Variants in PLXNA4 observed in about 807,000 individuals in gnomAD.
The protein encoded by PLXNA4 is plexin-A4.
Under a neutral mutation model 191.8 loss-of-function variants are expected in PLXNA4, and 44 were observed. The observed-to-expected ratio is 0.23, with a 90% CI of 0.18 to 0.29. The LOEUF is 0.29. PLXNA4 is among the 10% of genes least tolerant of loss of function. The pLI is 1.00. For synonymous variants in PLXNA4, 1,082 were observed against 1,009.5 expected, an observed-to-expected ratio of 1.07 and a Z score of -1.36; for missense variants, 1,800 against 2,488.8, an observed-to-expected ratio of 0.72 and a Z score of 5.89.
Position 132,517,351 on chromosome 7 carries a change from G to A in PLXNA4, c.-86-8572C>T, listed in dbSNP as rs151204208. Among the ~76,000 whole-genome samples the A allele has an allele frequency of 5.1e-3, 778 of 152,172 alleles. 3 individuals carry two copies. The highest frequency in any genetic ancestry group is 0.041 in the Middle Eastern group (12 of 294). Reference sequence around the variant, plus strand: ...GAAGAAATAAGTGTGTTTTCTCTACGGTTTCTTTCACCACCCAGCTGGATA... The same window carrying A: ...GAAGAAATAAGTGTGTTTTCTCTACAGTTTCTTTCACCACCCAGCTGGATA... On this transcript the variant is annotated intron_variant, in intron 1 of 31. Transcript: ENST00000321063.
Position 132,198,554 on chromosome 7 carries a change from A to G in PLXNA4, c.2669T>C (p.Ile890Thr), listed in dbSNP as rs752262566. ...GCCAGCAACCTTGACATGGGAGGCGATGTCGCGAAATTCCAGGCCCAGGTT... is the reference window on the plus strand; with the variant it reads ...GCCAGCAACCTTGACATGGGAGGCGGTGTCGCGAAATTCCAGGCCCAGGTT... ...GENLGLEFRD[I>T]ASHVKVAGVE... Residue 890 changes from isoleucine (I) to threonine (T), a missense_variant, in exon 13 of 32, where the codon ATC becomes ACC. By Grantham distance (89) the Ile-to-Thr change is moderately conservative (BLOSUM62 -1). Coordinates refer to ENST00000321063, the MANE Select transcript of PLXNA4 (RefSeq NM_020911.2). The G allele has an allele frequency of 1.9e-6, 3 of 1,614,246 alleles. No individual in the cohort carries two copies. The South Asian group carries it at 3.3e-5, about 18-fold the overall frequency.
chr7:132,548,902 C>T (rs934328260), intron 1 of PLXNA4, among the ~76,000 whole-genome samples: 1 of 152,160 alleles, frequency 6.6e-6, no homozygotes, highest in Non-Finnish European at 1.5e-5. Flanking sequence ...GGGTCGTCCC[C>T]ACTGCTCATT....
intron 2 of PLXNA4, among the ~76,000 whole-genome samples, chr7:132,635,170 T>TTATATATATATATATATA (rs3037811): frequency 8.3e-4 from 109 of 131,764 alleles, no homozygotes; most frequent in South Asian, 1.9e-3. Context: ...AAACTCCCCT[T>TTATATATATATATATATA]TATATATATA....
chr7:132,234,316 G>C (rs1246356691), intron 5 of PLXNA4, among the ~76,000 whole-genome samples: 1 of 152,190 alleles, frequency 6.6e-6, no homozygotes, highest in Non-Finnish European at 1.5e-5. Context: ...AGTCCAGTAG[G>C]CTTGGTGCAG....
At chr7:132,145,826 C>T (rs1795410266) in intron 28 of PLXNA4, among the ~76,000 whole-genome samples, 1 of 149,468 alleles carries the variant, frequency 6.7e-6, no homozygotes, top group Non-Finnish European at 1.5e-5. Flanking sequence ...ATCCCAACTT[C>T]TGGGAGGCTG....
At chr7:132,164,454 C>A (rs1394002183) in intron 23 of PLXNA4, among the ~76,000 whole-genome samples, 166 bp from the exon 24 acceptor site, 2 of 152,184 alleles carry the variant, frequency 1.3e-5, no homozygotes, top group African/African-American at 2.4e-5. Context: ...ATCTCCTCAT[C>A]CTTCAGGCTG....
intron 3 of PLXNA4, among the ~76,000 whole-genome samples, chr7:132,381,179 T>C (rs1804878775): frequency 6.6e-6 from 1 of 152,218 alleles, no homozygotes; most frequent in African/African-American, 2.4e-5. Flanking sequence ...TTGGTTTGGT[T>C]GTATCCTTGT....
chr7:132,527,394 T>C (rs983784133), intron 1 of PLXNA4, among the ~76,000 whole-genome samples: 2 of 151,884 alleles, frequency 1.3e-5, no homozygotes, highest in Admixed American at 1.3e-4. Context: ...TTGTAGGCAT[T>C]TTAGGCAGGA....
intron 2 of PLXNA4, among the ~76,000 whole-genome samples, chr7:132,606,794 G>C (rs1255939868): frequency 1.3e-5 from 2 of 152,144 alleles, no homozygotes. Flanking sequence ...CCTGATATAT[G>C]GCAAAAAATT....
chr7:132,280,853 TCTAA>T (rs1363369288), intron 4 of PLXNA4, among the ~76,000 whole-genome samples: 3 of 152,330 alleles, frequency 2.0e-5, no homozygotes, highest in East Asian at 1.9e-4. Context: ...GCCAGAGGTC[TCTAA>T]CTGATTTTGA....
chr7:132,145,063 T>C (rs1795378788), intron 29 of PLXNA4, 56 bp downstream of exon 29: 3 of 1,611,868 alleles, frequency 1.9e-6, no homozygotes, highest in Non-Finnish European at 2.5e-6. Context: ...CACCATTAAC[T>C]TGAGGCTGGG....
At chr7:132,291,249 G>C (rs1318498368) in intron 4 of PLXNA4, among the ~76,000 whole-genome samples, 1 of 152,132 alleles carries the variant, frequency 6.6e-6, no homozygotes, top group Non-Finnish European at 1.5e-5. Context: ...ACTCTCTTCT[G>C]CTTTTTGCTC....
intron 2 of PLXNA4, among the ~76,000 whole-genome samples, chr7:132,618,491 T>A (rs144397495): frequency 7.6e-4 from 116 of 152,326 alleles, no homozygotes; most frequent in African/African-American, 2.6e-3. Flanking sequence ...CACAAATGAT[T>A]ATGTGAAAAG....
At chr7:132,251,414 C>G (rs528021682) in intron 4 of PLXNA4, among the ~76,000 whole-genome samples, 1 of 152,130 alleles carries the variant, frequency 6.6e-6, no homozygotes, top group African/African-American at 2.4e-5. Flanking sequence ...AAGAAGAAGG[C>G]GGGGAGGGGC....
Position 132,465,674 on chromosome 7 carries a change from C to A in PLXNA4, c.1371+23618G>T, listed in dbSNP as rs1796673128. The stretch of plus-strand genomic sequence containing the variant: ...TTCGTCCTCTCCCATGTGCTGTCAT[C>A]CCAGGATCATGGGGCCTGGGAATGT... On this transcript the variant is annotated intron_variant, in intron 3 of 31. Transcript: ENST00000321063. 2.0e-5 allele frequency among the ~76,000 whole-genome samples: 3 copies of A among 152,286 alleles called. No homozygotes were observed. In the South Asian group the frequency reaches 6.2e-4, roughly 32 times the overall value.
At chr7:132,221,582 T>A (rs1798147322) in intron 9 of PLXNA4, among the ~76,000 whole-genome samples, 1 of 152,248 alleles carries the variant, frequency 6.6e-6, no homozygotes, top group Admixed American at 6.5e-5. Context: ...CAGCCTTTTA[T>A]CAAGGACATG....
At chr7:132,349,059 C>A (rs937657884) in intron 3 of PLXNA4, among the ~76,000 whole-genome samples, 2 of 152,114 alleles carry the variant, frequency 1.3e-5, no homozygotes, top group Non-Finnish European at 2.9e-5. Context: ...ACACTGGTAG[C>A]CATCCAACGC....
chr7:132,129,384 G>A lies in PLXNA4; in HGVS notation c.*1095C>T, dbSNP rs914606889. 2.6e-5 allele frequency: 4 copies of A among 152,296 alleles called. No homozygotes were observed. Among genetic ancestry groups the A allele is most frequent in the Admixed American group, 6.5e-5 (1 of 15,290 alleles). The allele number at this position is 152,296 out of a possible 1,614,324, so 9.4% of individuals were successfully genotyped here. A position where few individuals can be genotyped will look rare whatever the true frequency, so the allele number is the denominator to read the frequency against. ...GATTCTGCAGAGGGAACAGGGACTA[G>A]GCTGTTGGCCCCAGCCGTCTATGGA... On this transcript the variant is annotated 3_prime_UTR_variant, in exon 32 of 32. Transcript: ENST00000321063.
chr7:132,169,811 C>T (rs1199651068), intron 21 of PLXNA4, among the ~76,000 whole-genome samples: 2 of 151,738 alleles, frequency 1.3e-5, no homozygotes, highest in Non-Finnish European at 2.9e-5. Flanking sequence ...GAGCTGCACG[C>T]TGACAATTTG....
Sources: allele counts gnomAD v4.1 joint callset (sites outside exome capture counted in the v4.1 genomes callset), GRCh38; gene constraint gnomAD v4.1.1; transcripts MANE v1.5; gene names NCBI Gene and HGNC (gene_info 2026-07-23, HGNC 2026-07-21).